Variants in RIMS2 observed in about 807,000 individuals in gnomAD.
The protein encoded by RIMS2 is regulating synaptic membrane exocytosis protein 2.
In RIMS2, 59 loss-of-function variants were observed where a neutral mutation model predicts 174.4. That is an observed-to-expected ratio of 0.34 (90% CI 0.27 to 0.42). The LOEUF is 0.42. Ranked by LOEUF, RIMS2 falls within the 10% of genes least tolerant of loss-of-function variation. The pLI is 1.00. For synonymous variants in RIMS2, 606 were observed against 572.5 expected, an observed-to-expected ratio of 1.06 and a Z score of -0.84; for missense variants, 1,620 against 1,666.3, an observed-to-expected ratio of 0.97 and a Z score of 0.48.
intron 14 of RIMS2, among the ~76,000 whole-genome samples, chr8:103,956,089 A>C (rs970220492): frequency 1.3e-5 from 2 of 152,228 alleles, no homozygotes; most frequent in Non-Finnish European, 2.9e-5. Context: ...ACCACTGCTC[A>C]AGGAAGTAAG....
At chr8:104,139,870 C>T (rs2098552021) in intron 19 of RIMS2, among the ~76,000 whole-genome samples, 1 of 151,954 alleles carries the variant, frequency 6.6e-6, no homozygotes, top group African/African-American at 2.4e-5. Flanking sequence ...TCAGCTTTTC[C>T]CCATTCAGTA....
chr8:104,228,068 G>T lies in RIMS2; in HGVS notation c.3335-16848G>T, dbSNP rs181719850. Reference sequence around the variant, plus strand: ...CTTTGAGACAGAGTCTTGCTCTGTCGCCCAGGCTGGAGTGCAGTGGTGCGA... The same window carrying T: ...CTTTGAGACAGAGTCTTGCTCTGTCTCCCAGGCTGGAGTGCAGTGGTGCGA... On this transcript the variant is annotated intron_variant, in intron 19 of 23. Transcript: ENST00000504942. Among the ~76,000 whole-genome samples the T allele has an allele frequency of 2.2e-3, 302 of 137,486 alleles. 4 individuals carry two copies. Among genetic ancestry groups the T allele is most frequent in the Middle Eastern group, 0.013 (3 of 234 alleles). 90.2% of individuals were successfully genotyped at this position (137,486 alleles called of 152,430 possible). A position where few individuals can be genotyped will look rare whatever the true frequency, so the allele number is the denominator to read the frequency against.
intron 1 of RIMS2, among the ~76,000 whole-genome samples, chr8:103,609,701 C>G (rs142058713): frequency 6.6e-6 from 1 of 152,088 alleles, no homozygotes; most frequent in Non-Finnish European, 1.5e-5. Flanking sequence ...GCCTATGTGT[C>G]TTTGTAACCG....
chr8:103,711,831 C>T (rs931086986), intron 2 of RIMS2, among the ~76,000 whole-genome samples: 9 of 151,848 alleles, frequency 5.9e-5, no homozygotes, highest in Non-Finnish European at 8.8e-5. Flanking sequence ...TGGGAGGCGG[C>T]GGATGGAGTA....
At chr8:103,867,031 T>G (rs932153337) in intron 3 of RIMS2, among the ~76,000 whole-genome samples, 3 of 151,962 alleles carry the variant, frequency 2.0e-5, no homozygotes, top group Non-Finnish European at 4.4e-5. Flanking sequence ...TACATACACA[T>G]TTTTAAAATG....
intron 13 of RIMS2, among the ~76,000 whole-genome samples, chr8:103,938,560 C>T (rs1382972377): frequency 6.6e-6 from 1 of 152,088 alleles, no homozygotes; most frequent in African/African-American, 2.4e-5. Context: ...CCATATCATT[C>T]CATTCTGTCC....
chr8:104,077,198 G>C (rs532439321), intron 19 of RIMS2, among the ~76,000 whole-genome samples: 2 of 152,078 alleles, frequency 1.3e-5, no homozygotes, highest in Non-Finnish European at 2.9e-5. Context: ...ATCAGTAAAC[G>C]TTAGCTGTGA....
intron 2 of RIMS2, among the ~76,000 whole-genome samples, chr8:103,726,280 G>T (rs2097526792): frequency 6.6e-6 from 1 of 152,162 alleles, no homozygotes; most frequent in South Asian, 2.1e-4. Flanking sequence ...TATCCCCATT[G>T]TAAGTCAAGG....
At chr8:103,511,943 C>T (rs1033587265) in intron 1 of RIMS2, among the ~76,000 whole-genome samples, 2 of 152,110 alleles carry the variant, frequency 1.3e-5, no homozygotes, top group African/African-American at 4.8e-5. Flanking sequence ...GATTGTGGCT[C>T]ACTGAGCTGT....
intron 1 of RIMS2, among the ~76,000 whole-genome samples, chr8:103,645,761 C>T (rs937465443): frequency 2.0e-5 from 3 of 151,896 alleles, no homozygotes; most frequent in East Asian, 1.9e-4. Context: ...CTTAATTTCC[C>T]GAATATTGTG....
At chr8:104,098,543 A>G (rs2097801657) in intron 19 of RIMS2, among the ~76,000 whole-genome samples, 1 of 152,240 alleles carries the variant, frequency 6.6e-6, no homozygotes, top group South Asian at 2.1e-4. Context: ...TTCTCTATAC[A>G]CTTATGGTTC....
intron 19 of RIMS2, among the ~76,000 whole-genome samples, chr8:104,240,384 C>T (rs974295851): frequency 2.0e-5 from 3 of 152,092 alleles, no homozygotes; most frequent in Non-Finnish European, 4.4e-5. Flanking sequence ...AAATGTGATT[C>T]ATGGTAATGA....
chr8:103,865,478 T>C (rs950751227), intron 3 of RIMS2, among the ~76,000 whole-genome samples: 6 of 151,552 alleles, frequency 4.0e-5, no homozygotes. Flanking sequence ...AGAGATGGGG[T>C]TTCGCCATGT....
At chr8:103,638,013 G>T (rs2096128788) in intron 1 of RIMS2, among the ~76,000 whole-genome samples, 1 of 152,054 alleles carries the variant, frequency 6.6e-6, no homozygotes, top group Non-Finnish European at 1.5e-5. Context: ...GATTCAACTG[G>T]GGTTTTGAAG....
chr8:103,610,276 A>G (rs2095322338), intron 1 of RIMS2, among the ~76,000 whole-genome samples: 1 of 152,154 alleles, frequency 6.6e-6, no homozygotes, highest in Admixed American at 6.5e-5. Flanking sequence ...GTCATATGCA[A>G]AGGGGATAGT....
chr8:103,939,547 A>G (rs1048736867), intron 13 of RIMS2, among the ~76,000 whole-genome samples: 4 of 152,194 alleles, frequency 2.6e-5, no homozygotes, highest in African/African-American at 7.2e-5. Context: ...CATGCCCTGG[A>G]GACATTTTCC....
chr8:104,241,456 A>C (rs2099294481), intron 19 of RIMS2, among the ~76,000 whole-genome samples: 1 of 152,210 alleles, frequency 6.6e-6, no homozygotes, highest in African/African-American at 2.4e-5. Context: ...TCATAACCCT[A>C]TAATGGCAGA....
chr8:103,976,313 G>A (rs1370671165), intron 16 of RIMS2: 2 of 152,058 alleles, frequency 1.3e-5, no homozygotes, highest in Non-Finnish European at 1.5e-5. Context: ...GACTTGTTTT[G>A]TAATTTTAGA....
intron 3 of RIMS2, among the ~76,000 whole-genome samples, chr8:103,783,399 T>A (rs2098410743): frequency 6.6e-6 from 1 of 151,018 alleles, no homozygotes; most frequent in Non-Finnish European, 1.5e-5. Flanking sequence ...TAGGTATATC[T>A]CCCAATGCTA....
Sources: allele counts gnomAD v4.1 joint callset (sites outside exome capture counted in the v4.1 genomes callset), GRCh38; gene constraint gnomAD v4.1.1; transcripts MANE v1.5; gene names NCBI Gene and HGNC (gene_info 2026-07-23, HGNC 2026-07-21).